Variants in CADM2 observed in about 807,000 individuals in gnomAD.
The protein encoded by CADM2 is cell adhesion molecule 2, also known as immunoglobulin superfamily member 4D.
A neutral mutation model predicts 49.8 loss-of-function variants in CADM2; 12 were observed. The ratio of observed to expected loss-of-function variants is 0.24; its 90% CI spans 0.15 to 0.39. The LOEUF (loss-of-function observed/expected upper bound fraction) is 0.39. Among genes scored for constraint, CADM2 ranks in the 10% least tolerant of loss-of-function variants. The pLI, the probability that CADM2 is intolerant of heterozygous loss-of-function variation, is 1.00. For missense variants in CADM2, 378 were observed against 492.3 expected, an observed-to-expected ratio of 0.77 and a Z score of 2.20; for synonymous variants, 214 against 175.4, an observed-to-expected ratio of 1.22 and a Z score of -1.74.
chr3:85,711,298 G>A (rs1435412692), intron 1 of CADM2, among the ~76,000 whole-genome samples: 1 of 152,084 alleles, frequency 6.6e-6, no homozygotes, highest in Non-Finnish European at 1.5e-5. Flanking sequence ...TCTTTCTCTT[G>A]TGTAGCTGGA....
At chr3:85,825,617 A>G (rs1304388723) in intron 3 of CADM2, among the ~76,000 whole-genome samples, 4 of 152,064 alleles carry the variant, frequency 2.6e-5, no homozygotes, top group Admixed American at 2.0e-4. Context: ...AGCCACTATG[A>G]GTAACAAAAT....
intron 1 of CADM2, among the ~76,000 whole-genome samples, chr3:85,626,007 G>A (rs1266144450): frequency 6.6e-6 from 1 of 151,916 alleles, no homozygotes; most frequent in Non-Finnish European, 1.5e-5. Context: ...AAATCGTAAG[G>A]CAAGTTGATA....
intron 1 of CADM2, among the ~76,000 whole-genome samples, chr3:85,038,486 G>A (rs1441868194): frequency 1.3e-5 from 2 of 152,134 alleles, no homozygotes; most frequent in Non-Finnish European, 2.9e-5. Context: ...TATCAAATGT[G>A]CCTGTTTCAG....
intron 1 of CADM2, among the ~76,000 whole-genome samples, chr3:85,070,337 A>G (rs1387970404): frequency 6.6e-6 from 1 of 152,180 alleles, no homozygotes; most frequent in Non-Finnish European, 1.5e-5. Context: ...TTATTTATTT[A>G]GCACAAATTC....
At chr3:85,417,137 A>T (rs1403323524) in intron 1 of CADM2, among the ~76,000 whole-genome samples, 1 of 152,124 alleles carries the variant, frequency 6.6e-6, no homozygotes, top group Non-Finnish European at 1.5e-5. Context: ...AAAAAAAGGT[A>T]AAGCTTTGGG....
At chr3:85,943,686 G>T (rs1032392624) in intron 7 of CADM2, among the ~76,000 whole-genome samples, 2 of 151,734 alleles carry the variant, frequency 1.3e-5, no homozygotes, top group African/African-American at 4.8e-5. Flanking sequence ...GCATGGTACT[G>T]GTACCAAAAC....
intron 1 of CADM2, among the ~76,000 whole-genome samples, chr3:85,279,685 GAA>G (rs760152285): frequency 2.1e-4 from 32 of 151,336 alleles, no homozygotes; most frequent in Middle Eastern, 3.5e-3. Context: ...TTAATTTTAA[GAA>G]AATTAATTTT....
intron 8 of CADM2, among the ~76,000 whole-genome samples, chr3:85,970,372 T>C (rs1271063211): frequency 6.6e-6 from 1 of 151,502 alleles, no homozygotes; most frequent in East Asian, 2.0e-4. Flanking sequence ...TAGGAGTGGA[T>C]ATTAAAAGTG....
intron 1 of CADM2, among the ~76,000 whole-genome samples, chr3:85,694,856 G>A (rs2066502468): frequency 6.6e-6 from 1 of 151,922 alleles, no homozygotes; most frequent in Non-Finnish European, 1.5e-5. Flanking sequence ...CAGTAACTTG[G>A]GAGTCTGAGA....
At chr3:85,916,681 A>G (rs1317676115) in intron 6 of CADM2, among the ~76,000 whole-genome samples, 1 of 152,002 alleles carries the variant, frequency 6.6e-6, no homozygotes, top group East Asian at 1.9e-4. Context: ...CTTTGGGTAT[A>G]TACCCAGTAA....
intron 1 of CADM2, among the ~76,000 whole-genome samples, chr3:85,242,120 T>G (rs2042545804): frequency 6.6e-6 from 1 of 151,268 alleles, no homozygotes; most frequent in South Asian, 2.1e-4. Flanking sequence ...TATATAACTT[T>G]TTAAGTGTTC....
chr3:85,277,607 T>A (rs1396246990), intron 1 of CADM2, among the ~76,000 whole-genome samples: 1 of 151,436 alleles, frequency 6.6e-6, no homozygotes, highest in Non-Finnish European at 1.5e-5. Flanking sequence ...TTCTATCTGA[T>A]GAGAATTTTT....
At chr3:85,607,908 A>G (rs1462417672) in intron 1 of CADM2, among the ~76,000 whole-genome samples, 1 of 151,764 alleles carries the variant, frequency 6.6e-6, no homozygotes, top group Admixed American at 6.6e-5. Flanking sequence ...GCTTGCCTTG[A>G]CCTCCCAAAG....
intron 5 of CADM2, among the ~76,000 whole-genome samples, chr3:85,893,201 G>A (rs979306105): frequency 6.6e-5 from 10 of 152,108 alleles, no homozygotes; most frequent in Non-Finnish European, 1.2e-4. Context: ...GGGGAAATTT[G>A]CAGCCTACTG....
intron 1 of CADM2, among the ~76,000 whole-genome samples, chr3:85,537,312 G>T (rs372589608): frequency 6.6e-6 from 1 of 151,880 alleles, no homozygotes; most frequent in African/African-American, 2.4e-5. Context: ...CATCTACCTT[G>T]GCATATATTA....
intron 5 of CADM2, among the ~76,000 whole-genome samples, chr3:85,893,528 G>A (rs1278036579): frequency 6.6e-6 from 1 of 152,136 alleles, no homozygotes; most frequent in Non-Finnish European, 1.5e-5. Context: ...CTTCTGCACA[G>A]CAAAAGAAAC....
intron 1 of CADM2, among the ~76,000 whole-genome samples, chr3:85,522,052 A>G (rs1310230809): frequency 2.0e-5 from 3 of 151,948 alleles, no homozygotes; most frequent in South Asian, 2.1e-4. Flanking sequence ...GACAGTATTT[A>G]TTTTTGTTTC....
At chr3:85,391,185 G>A (rs1252268557) in intron 1 of CADM2, among the ~76,000 whole-genome samples, 1 of 151,820 alleles carries the variant, frequency 6.6e-6, no homozygotes, top group Non-Finnish European at 1.5e-5. Flanking sequence ...AGGATACATT[G>A]GGTCTATTGT....
chr3:85,102,657 A>G (rs936457476), intron 1 of CADM2, among the ~76,000 whole-genome samples: 8 of 152,196 alleles, frequency 5.3e-5, no homozygotes, highest in African/African-American at 1.9e-4. Context: ...ACTTAGGAAA[A>G]GCACCTAAGC....
Sources: gnomAD v4.1 joint callset for allele counts (sites outside exome capture counted in the v4.1 genomes callset) on GRCh38, gnomAD v4.1.1 for gene constraint, MANE v1.5 for transcripts, NCBI Gene and HGNC (gene_info 2026-07-23, HGNC 2026-07-21) for gene names.